Variants in MAP3K5 observed in about 807,000 individuals in gnomAD.
MAP3K5 encodes mitogen-activated protein kinase kinase kinase 5.
A neutral mutation model predicts 158.7 loss-of-function variants in MAP3K5; 56 were observed. The observed-to-expected ratio is 0.35, with a 90% CI of 0.28 to 0.44. MAP3K5 has a LOEUF of 0.44. MAP3K5 is among the 20% of genes least tolerant of loss of function. MAP3K5 has a pLI of 1.00. For missense variants in MAP3K5, 1,294 were observed against 1,674.8 expected (o/e 0.77, Z 3.97); for synonymous variants, 579 against 601.7 (o/e 0.96, Z 0.55).
At chr6:136,765,512 T>C (rs1233270947) in intron 1 of MAP3K5, among the ~76,000 whole-genome samples, 1 of 137,426 alleles carries the variant, frequency 7.3e-6, no homozygotes, top group Non-Finnish European at 1.6e-5. Flanking sequence ...TTTATCTTTT[T>C]TTATTTTTTT....
intron 1 of MAP3K5, among the ~76,000 whole-genome samples, chr6:136,763,173 T>C (rs567337820): frequency 7.9e-5 from 12 of 152,230 alleles, no homozygotes; most frequent in African/African-American, 2.9e-4. Context: ...TTTCATTTTT[T>C]TGTAGAGACG....
chr6:136,600,899 C>A, intron 21 of MAP3K5, 123 bp downstream of exon 21: 1 of 949,074 alleles, frequency 1.1e-6, no homozygotes, highest in Non-Finnish European at 1.7e-6. Context: ...TATCTAGTAC[C>A]GCACCCTCCT....
intron 1 of MAP3K5, among the ~76,000 whole-genome samples, chr6:136,759,836 AAG>A (rs1353782731): frequency 6.7e-6 from 1 of 149,520 alleles, no homozygotes; most frequent in Non-Finnish European, 1.5e-5. Context: ...AGTCTGAAAA[AAG>A]AGTCAGCAAG....
intron 14 of MAP3K5, among the ~76,000 whole-genome samples, chr6:136,625,254 T>C (rs1359921248): frequency 2.0e-5 from 3 of 152,226 alleles, no homozygotes; most frequent in Non-Finnish European, 4.4e-5. Flanking sequence ...CCAGCTGATA[T>C]ATAAACAAAT....
chr6:136,613,172 A>C lies in MAP3K5; in HGVS notation c.2363T>G (p.Leu788Arg). The C allele has an allele frequency of 6.2e-7, 1 of 1,613,518 alleles. No homozygotes were observed. The highest frequency in any genetic ancestry group is 8.5e-7 in the Non-Finnish European group (1 of 1,179,734). ...GTCATGGAGATATTTTAATCCTTCC[A>C]GTATTTGCTTTGTATAAAAGCCAAT... ...QTIGFYTKQI[L>R]EGLKYLHDNQ... Residue 788 changes from leucine to arginine, a missense_variant, in exon 17 of 30, where the codon CTG becomes CGG. By Grantham distance (102) the Leu-to-Arg change is moderately radical. Coordinates refer to ENST00000359015, the MANE Select transcript of MAP3K5 (RefSeq NM_005923.4). This position sits in a 1 kb window ranked among gnomAD's most constrained non-coding sequence, Gnocchi z 4.0.
intron 6 of MAP3K5, among the ~76,000 whole-genome samples, chr6:136,694,893 T>A (rs1020779790): frequency 3.9e-5 from 6 of 152,230 alleles, no homozygotes; most frequent in African/African-American, 1.4e-4. Flanking sequence ...ATAAGAGTTA[T>A]CATTCCTTAG....
At position 136,605,251 on chromosome 6, in the gene MAP3K5, G is replaced by A; in HGVS notation, c.2637C>T (p.Pro879=). The A allele has an allele frequency of 6.2e-7, 1 of 1,614,040 alleles. No individual in the cohort carries two copies. Among genetic ancestry groups the A allele is most frequent in the Non-Finnish European group, 8.5e-7 (1 of 1,179,956 alleles). ...CTIIEMATGK[P]PFYELGEPQA... ...GTGGTTCTCCCAGTTCATAAAATGGGGGTTTTCCTGTGGCCATTTCAATGA... is the reference window on the plus strand; with the variant it reads ...GTGGTTCTCCCAGTTCATAAAATGGAGGTTTTCCTGTGGCCATTTCAATGA... The change falls in exon 19 of 30, where the codon CCC becomes CCT. Residue 879 remains proline, a synonymous_variant. Coordinates refer to ENST00000359015, the MANE Select transcript of MAP3K5 (RefSeq NM_005923.4).
chr6:136,723,040 C>T (rs757791215), intron 1 of MAP3K5, among the ~76,000 whole-genome samples: 3 of 151,778 alleles, frequency 2.0e-5, no homozygotes, highest in African/African-American at 7.3e-5. Context: ...TACACTCTGA[C>T]CCAATAATTC....
chr6:136,603,339 AT>A lies in MAP3K5; in HGVS notation c.2680-1361del, dbSNP rs746959147. ...AGGTGCCTGCCACTGTGCCCCCCTA[AT>A]TTTTTTTTTTTTTTTTTAGTAGAGA... is the stretch of plus-strand genomic sequence containing the variant. On this transcript the variant is annotated intron_variant, in intron 19 of 29. Coordinates refer to ENST00000359015, the MANE Select transcript of MAP3K5 (RefSeq NM_005923.4). Among the ~76,000 whole-genome samples, 1,039 of 132,846 alleles carry A rather than the reference AT, an allele frequency of 7.8e-3. 1 individual carries two copies. Among genetic ancestry groups the A allele is most frequent in the Middle Eastern group, 0.015 (4 of 264 alleles). 87.2% of individuals were successfully genotyped at this position (132,846 alleles called of 152,430 possible).
At chr6:136,788,882 C>G (rs943916082) in intron 1 of MAP3K5, among the ~76,000 whole-genome samples, 1 of 152,202 alleles carries the variant, frequency 6.6e-6, no homozygotes, top group Admixed American at 6.5e-5. Flanking sequence ...CCGTTCGACC[C>G]AGCAATCCCA....
At chr6:136,768,635 C>T (rs1784054571) in intron 1 of MAP3K5, among the ~76,000 whole-genome samples, 1 of 152,010 alleles carries the variant, frequency 6.6e-6, no homozygotes, top group South Asian at 2.1e-4. Context: ...GCTTGGTGGC[C>T]AGGCATGGTG....
At chr6:136,639,693 T>G in intron 12 of MAP3K5, 55 bp from the exon 13 acceptor site, 1 of 806,910 alleles carries the variant, frequency 1.2e-6, no homozygotes, top group East Asian at 2.6e-5. Flanking sequence ...TCTTCTACAG[T>G]CCTATGATGA....
intron 12 of MAP3K5, among the ~76,000 whole-genome samples, 195 bp downstream of exon 12, chr6:136,642,325 A>C (rs938072486): frequency 3.4e-4 from 52 of 152,292 alleles, no homozygotes; most frequent in African/African-American, 1.1e-3. Context: ...GAATCAGTTC[A>C]ACCAGCAGTG....
At chr6:136,655,776 G>A (rs1456819871) in intron 10 of MAP3K5, among the ~76,000 whole-genome samples, 1 of 151,960 alleles carries the variant, frequency 6.6e-6, no homozygotes, top group South Asian at 2.1e-4. Flanking sequence ...GTCCACTAGA[G>A]ACCAGCAAAA....
At chr6:136,662,501 GTCTCTTCCTTTCTC>G (rs959773817) in intron 8 of MAP3K5, among the ~76,000 whole-genome samples, 1 of 151,836 alleles carries the variant, frequency 6.6e-6, no homozygotes, top group African/African-American at 2.4e-5. Flanking sequence ...CGTTCTCTCT[GTCTCTTCCTTTCTC>G]TCTCTCCCTC....
At chr6:136,697,142 C>G in intron 5 of MAP3K5, 77 bp downstream of exon 5, 1 of 1,327,450 alleles carries the variant, frequency 7.5e-7, no homozygotes, top group Non-Finnish European at 1.0e-6. Context: ...TACCAGCAAA[C>G]TGAAATTTGA....
intron 1 of MAP3K5, among the ~76,000 whole-genome samples, chr6:136,736,409 G>T (rs1040255656): frequency 6.6e-6 from 1 of 152,202 alleles, no homozygotes; most frequent in Non-Finnish European, 1.5e-5. Flanking sequence ...TGACATGACA[G>T]ATGTATAAAT....
At chr6:136,749,869 C>T (rs1292860790) in intron 1 of MAP3K5, among the ~76,000 whole-genome samples, 1 of 152,138 alleles carries the variant, frequency 6.6e-6, no homozygotes, top group East Asian at 1.9e-4. Flanking sequence ...TTGCAACACT[C>T]ATCCACCCAG....
chr6:136,640,176 T>C (rs893892088), intron 12 of MAP3K5, among the ~76,000 whole-genome samples: 1 of 152,232 alleles, frequency 6.6e-6, no homozygotes, highest in Non-Finnish European at 1.5e-5. Context: ...CAGTTTTCAG[T>C]TGACCCACTA....
Sources: allele counts gnomAD v4.1 joint callset (sites outside exome capture counted in the v4.1 genomes callset), GRCh38; gene constraint gnomAD v4.1.1; non-coding constraint Gnocchi (gnomAD v3.1); transcripts MANE v1.5; gene names NCBI Gene and HGNC (gene_info 2026-07-23, HGNC 2026-07-21).